Variants in SUMF1 observed in about 807,000 individuals in gnomAD.
SUMF1 encodes the protein sulfatase modifying factor 1.
Under a neutral mutation model 47.6 loss-of-function variants are expected in SUMF1, and 48 were observed. The ratio of observed to expected loss-of-function variants is 1.01; its 90% confidence interval spans 0.80 to 1.28. The LOEUF is 1.28. Ranked by LOEUF, SUMF1 falls within the 50% of genes most tolerant of loss-of-function variation. The pLI, the probability that SUMF1 is intolerant of heterozygous loss-of-function variation, is 0.00. For missense variants in SUMF1, 571 were observed against 485.4 expected (o/e 1.18, Z -1.66); for synonymous variants, 230 against 192.1 (o/e 1.20, Z -1.63).
intron 3 of SUMF1, among the ~76,000 whole-genome samples, chr3:4,433,557 G>A (rs895315044): frequency 3.9e-5 from 6 of 152,124 alleles, no homozygotes; most frequent in East Asian, 3.9e-4. Context: ...TGCCCTTCCC[G>A]AATAACTCAG....
chr3:4,213,323 G>A (rs1375389038), intron 8 of SUMF1, among the ~76,000 whole-genome samples: 1 of 152,112 alleles, frequency 6.6e-6, no homozygotes, highest in African/African-American at 2.4e-5. Context: ...AGCTTCATAA[G>A]CCAAGGAGAA....
downstream of SUMF1, among the ~76,000 whole-genome samples, chr3:4,359,163 G>A (rs1404721032): frequency 6.6e-6 from 1 of 152,206 alleles, no homozygotes; most frequent in Non-Finnish European, 1.5e-5. Flanking sequence ...CTGCTCGTAT[G>A]TCACTATCCA....
At chr3:4,245,314 G>A (rs1318159425) in intron 8 of SUMF1, among the ~76,000 whole-genome samples, 1 of 152,032 alleles carries the variant, frequency 6.6e-6, no homozygotes, top group East Asian at 1.9e-4. Context: ...AGGAGAAGAG[G>A]CTTTCTGGTT....
intron 8 of SUMF1, among the ~76,000 whole-genome samples, chr3:4,314,719 T>C (rs1221501425): frequency 1.3e-5 from 2 of 152,154 alleles, no homozygotes; most frequent in Non-Finnish European, 2.9e-5. Flanking sequence ...CCGTTTAAAC[T>C]TCTAGAGCAG....
Position 4,379,294 on chromosome 3 carries a change from G to T in SUMF1, c.955-2905C>A, listed in dbSNP as rs1700424273. Among the ~76,000 whole-genome samples the T allele has an allele frequency of 1.3e-5, 2 of 152,194 alleles. 1 individual carries two copies. The highest frequency in any genetic ancestry group is 4.8e-5 in the African/African-American group (2 of 41,448). ...CTTGTAATTTTTGTAATTAATATAA[G>T]ATCATATTGGATTAGGGCGGGCCCT... On this transcript the variant is annotated intron_variant, in intron 7 of 8. Transcript: ENST00000272902.
At chr3:4,177,089 G>A (rs1271524989) in intron 8 of SUMF1, among the ~76,000 whole-genome samples, 1 of 152,092 alleles carries the variant, frequency 6.6e-6, no homozygotes, top group Non-Finnish European at 1.5e-5. Context: ...CAATAAAAAT[G>A]GGAGACTTTA....
At chr3:4,341,554 T>TA (rs1230538627) in intron 8 of SUMF1, among the ~76,000 whole-genome samples, 2 of 152,304 alleles carry the variant, frequency 1.3e-5, no homozygotes, top group Non-Finnish European at 2.9e-5. Context: ...CATCTTTTTT[T>TA]AAAAAAATTC....
intron 3 of SUMF1, among the ~76,000 whole-genome samples, chr3:4,424,871 G>C (rs1164592036): frequency 6.6e-6 from 1 of 152,222 alleles, no homozygotes; most frequent in Non-Finnish European, 1.5e-5. Flanking sequence ...ATGAGTGTAT[G>C]TCACTATCAC....
chr3:4,142,990 C>G (rs1173400764), intron 8 of SUMF1, among the ~76,000 whole-genome samples: 3 of 152,048 alleles, frequency 2.0e-5, no homozygotes, highest in Non-Finnish European at 4.4e-5. Context: ...GCAGTCACCT[C>G]CAAGACAAAG....
At position 4,177,253 on chromosome 3, in the gene SUMF1, A is replaced by T. The variant is rs1446193338; in HGVS notation, c.1015-108508T>A. On this transcript the variant is annotated intron_variant and NMD_transcript_variant, in intron 8 of 12. Coordinates refer to the SUMF1 transcript ENST00000448413. ...GAATATATATTCTTCTCAGTACCACATCACAGTTATTCTAAAATTGACCAC... is the reference window on the plus strand; with the variant it reads ...GAATATATATTCTTCTCAGTACCACTTCACAGTTATTCTAAAATTGACCAC... Among the ~76,000 whole-genome samples the T allele has an allele frequency of 1.3e-5, 2 of 152,196 alleles. 1 individual carries two copies. Among genetic ancestry groups the T allele is most frequent in the Non-Finnish European group, 2.9e-5 (2 of 68,026 alleles).
chr3:4,218,736 A>C (rs1574989983), intron 8 of SUMF1, among the ~76,000 whole-genome samples: 1 of 152,320 alleles, frequency 6.6e-6, no homozygotes, highest in East Asian at 1.9e-4. Context: ...GGCAATGAGC[A>C]TAGTTTCCAA....
At chr3:4,358,522 A>T (rs1248438837), downstream of SUMF1, among the ~76,000 whole-genome samples, 2 of 152,250 alleles carry the variant, frequency 1.3e-5, no homozygotes, top group East Asian at 3.8e-4. Context: ...ATGTTGGATC[A>T]CATGTGGTTT....
At chr3:4,303,879 C>A in intron 8 of SUMF1, 1 of 1,277,728 alleles carries the variant, frequency 7.8e-7, no homozygotes, top group Non-Finnish European at 1.0e-6. Context: ...GTAGGATAAG[C>A]CGTGGGGCCT....
In SUMF1 at chr3:4,383,958, T is replaced by A. The variant is rs187854201; in HGVS notation, c.955-7569A>T. On this transcript the variant is annotated intron_variant, in intron 7 of 8. Coordinates refer to ENST00000272902, the MANE Select transcript of SUMF1 (RefSeq NM_182760.4). ...AACAAAATGCATAGTATTACTGTCA[T>A]ACATATTACAGTTATATATGTGAAA... 4.1e-4 allele frequency among the ~76,000 whole-genome samples: 62 copies of A among 152,374 alleles called. No homozygotes were observed. The East Asian group carries it at 0.012, about 28-fold the overall frequency.
intron 8 of SUMF1, among the ~76,000 whole-genome samples, chr3:4,177,380 G>T (rs2587948): frequency 6.6e-6 from 1 of 151,896 alleles, no homozygotes; most frequent in African/African-American, 2.4e-5. Context: ...TCAGGATTAA[G>T]AAACTCACTC....
intron 8 of SUMF1, among the ~76,000 whole-genome samples, chr3:4,139,121 T>G (rs1311834331): frequency 6.6e-6 from 1 of 152,152 alleles, no homozygotes; most frequent in African/African-American, 2.4e-5. Flanking sequence ...ACATAAAATT[T>G]TATTGTATTG....
intron 8 of SUMF1, among the ~76,000 whole-genome samples, chr3:4,327,192 T>G (rs1369608067): frequency 6.6e-6 from 1 of 152,196 alleles, no homozygotes; most frequent in Non-Finnish European, 1.5e-5. Context: ...ATAGAAACAT[T>G]ATTTCAGTCC....
At chr3:4,138,682 G>A (rs1694001959) in intron 8 of SUMF1, among the ~76,000 whole-genome samples, 1 of 152,092 alleles carries the variant, frequency 6.6e-6, no homozygotes, top group African/African-American at 2.4e-5. Flanking sequence ...ATGACTATAA[G>A]TTTCCTATTT....
chr3:4,176,665 G>C (rs748995181), intron 8 of SUMF1, among the ~76,000 whole-genome samples: 1 of 152,086 alleles, frequency 6.6e-6, no homozygotes, highest in Non-Finnish European at 1.5e-5. Context: ...TTCATAATGA[G>C]ATGATCAAAT....
Sources: allele counts gnomAD v4.1 joint callset (sites outside exome capture counted in the v4.1 genomes callset), GRCh38; gene constraint gnomAD v4.1.1; transcripts MANE v1.5; gene names NCBI Gene and HGNC (gene_info 2026-07-23, HGNC 2026-07-21).